The following MAPKAPK2 variants were observed in gnomAD, a reference collection of about 807,000 sequenced individuals.
MAPKAPK2 encodes MAP kinase-activated protein kinase 2.
MAPKAPK2 carries 9 observed loss-of-function variants against 48.8 expected under a neutral mutation model. The ratio of observed to expected loss-of-function variants is 0.18; its 90% CI spans 0.11 to 0.32. The LOEUF is 0.32. MAPKAPK2 is among the 10% of genes least tolerant of loss of function. The pLI is 1.00. For missense variants in MAPKAPK2, 331 were observed against 498.3 expected (o/e 0.66, Z 3.20); for synonymous variants, 202 against 190.6 (o/e 1.06, Z -0.49).
intron 1 of MAPKAPK2, among the ~76,000 whole-genome samples, chr1:206,711,822 C>G (rs1673154174): frequency 6.6e-6 from 1 of 151,824 alleles, no homozygotes; most frequent in Non-Finnish European, 1.5e-5. Context: ...AGGGTTTTGC[C>G]ATGTTGCCCA....
Position 206,710,191 on chromosome 1 carries a change from T to A in MAPKAPK2, c.280-18519T>A, listed in dbSNP as rs1673093470. Among the ~76,000 whole-genome samples, 7 of 152,240 alleles carry A rather than the reference T, an allele frequency of 4.6e-5. No individual in the cohort carries two copies. In the South Asian group the frequency reaches 1.4e-3, roughly 31 times the overall value. On this transcript the variant is annotated intron_variant, in intron 1 of 9. Transcript: ENST00000367103. ...GGCTCAAATTTGAGTTGCCAGGATATATGTATTACAAGTAACTGCATGCAG... is the reference window on the plus strand; with the variant it reads ...GGCTCAAATTTGAGTTGCCAGGATAAATGTATTACAAGTAACTGCATGCAG...
At chr1:206,712,202 A>G (rs1673178970) in intron 1 of MAPKAPK2, among the ~76,000 whole-genome samples, 1 of 152,200 alleles carries the variant, frequency 6.6e-6, no homozygotes, top group South Asian at 2.1e-4. Flanking sequence ...ACGACAACAA[A>G]TAATAAAAAA....
rs1553432775 is a variant in MAPKAPK2, at chr1:206,731,937, G to C, written c.1059+18G>C. The C allele has an allele frequency of 1.9e-6, 3 of 1,614,070 alleles. No individual in the cohort carries two copies. On this transcript the variant is annotated intron_variant, in intron 9 of 9. Coordinates refer to ENST00000367103, the MANE Select transcript of MAPKAPK2 (RefSeq NM_032960.4). The surrounding 1 kb of genome is among the most constrained non-coding windows in gnomAD (Gnocchi z 5.9). Reference sequence around the variant, plus strand: ...ATGTCAAGGTGAGGGGCACCACTGGGTGAGAGGGGCTCCAGGTGGGGTGGG... The same window carrying C: ...ATGTCAAGGTGAGGGGCACCACTGGCTGAGAGGGGCTCCAGGTGGGGTGGG...
Position 206,685,437 on chromosome 1 carries a change from C to A in MAPKAPK2, c.208C>A (p.Leu70Met). Residue 70 changes from leucine (L) to methionine (M), a missense_variant, in exon 1 of 10, where the codon CTG becomes ATG. Transcript: ENST00000367103. ...TGACTACAAGGTCACCAGCCAGGTC[C>A]TGGGGCTGGGCATCAACGGCAAAGT... ...IDDYKVTSQV[L>M]GLGINGKVLQ... The A allele has an allele frequency of 6.5e-7, 1 of 1,547,438 alleles. No homozygotes were observed. Among genetic ancestry groups the A allele is most frequent in the Non-Finnish European group, 8.8e-7 (1 of 1,142,378 alleles).
chr1:206,731,429 T>C lies in MAPKAPK2; in HGVS notation c.892+167T>C. The stretch of plus-strand genomic sequence containing the variant: ...GGGGTGCGTCCTGCTTCATTTTGCC[T>C]GTGTGGAGGGCTGGAGGCAGGGCCA... On this transcript the variant is annotated intron_variant, in intron 7 of 9. Transcript: ENST00000367103. This position sits in a 1 kb window ranked among gnomAD's most constrained non-coding sequence, Gnocchi z 5.9. The C allele has an allele frequency of 2.2e-6, 3 of 1,366,434 alleles. No individual in the cohort carries two copies. Among genetic ancestry groups the C allele is most frequent in the South Asian group, 1.4e-5 (1 of 72,738 alleles). The allele number at this position is 1,366,434 out of a possible 1,614,324, so 84.6% of individuals were successfully genotyped here. A position where few individuals can be genotyped will look rare whatever the true frequency, so the allele number is the denominator to read the frequency against.
chr1:206,710,320 G>A (rs1229459485), intron 1 of MAPKAPK2, among the ~76,000 whole-genome samples: 2 of 152,184 alleles, frequency 1.3e-5, no homozygotes, highest in Non-Finnish European at 2.9e-5. Flanking sequence ...GAGTCTTTTG[G>A]TGATTGGTCA....
Position 206,698,135 on chromosome 1 carries a change from G to A in MAPKAPK2, c.279+12627G>A, listed in dbSNP as rs116872746. 8.5e-4 allele frequency among the ~76,000 whole-genome samples: 129 copies of A among 152,284 alleles called. 1 individual carries two copies. In the East Asian group the frequency reaches 0.024, roughly 28 times the overall value. On this transcript the variant is annotated intron_variant, in intron 1 of 9. Coordinates refer to ENST00000367103, the MANE Select transcript of MAPKAPK2 (RefSeq NM_032960.4). ...ACAGTGTTACTTCACCTTTTTCCTG[G>A]CTGCAGTGTTTTTATTCATTCAGCC...
At position 206,732,582 on chromosome 1, in the gene MAPKAPK2, T is replaced by A; in HGVS notation, c.1067T>A (p.Met356Lys). The A allele has an allele frequency of 6.2e-7, 1 of 1,613,914 alleles. No individual in the cohort carries two copies. The highest frequency in any genetic ancestry group is 8.5e-7 in the Non-Finnish European group (1 of 1,180,000). Residue 356 changes from methionine (M) to lysine (K), a missense_variant, in exon 10 of 10, where the codon ATG becomes AAG. Coordinates refer to ENST00000367103, the MANE Select transcript of MAPKAPK2 (RefSeq NM_032960.4). This position sits in a 1 kb window ranked among gnomAD's most constrained non-coding sequence, Gnocchi z 4.4. ...KERWEDVKEE[M>K]TSALATMRVD... The stretch of plus-strand genomic sequence containing the variant: ...GTGCTGCCGTGCCCCCAGGAGGAGA[T>A]GACCAGTGCCTTGGCCACAATGCGC...
chr1:206,688,314 G>A (rs1176101843), intron 1 of MAPKAPK2, among the ~76,000 whole-genome samples: 1 of 152,222 alleles, frequency 6.6e-6, no homozygotes, highest in African/African-American at 2.4e-5. Flanking sequence ...TTGGAACCCA[G>A]GTTGCCTGAC....
At chr1:206,721,292 T>C (rs569093026) in intron 1 of MAPKAPK2, among the ~76,000 whole-genome samples, 1 of 152,364 alleles carries the variant, frequency 6.6e-6, no homozygotes, top group East Asian at 1.9e-4. Flanking sequence ...AGTGCCAAGC[T>C]TGTACCAGCT....
At chr1:206,696,666 T>C (rs1672633786) in intron 1 of MAPKAPK2, among the ~76,000 whole-genome samples, 1 of 152,198 alleles carries the variant, frequency 6.6e-6, no homozygotes, top group Admixed American at 6.5e-5. Flanking sequence ...ATCATGTCAG[T>C]GCACTCCAGC....
At chr1:206,721,643 A>C (rs1159754488) in intron 1 of MAPKAPK2, among the ~76,000 whole-genome samples, 1 of 151,904 alleles carries the variant, frequency 6.6e-6, no homozygotes, top group Non-Finnish European at 1.5e-5. Flanking sequence ...CAGGGTTCAA[A>C]CTCCAGCCCT....
chr1:206,726,545 T>C (rs139159289), intron 1 of MAPKAPK2, among the ~76,000 whole-genome samples: 102 of 152,372 alleles, frequency 6.7e-4, no homozygotes, highest in African/African-American at 2.2e-3. Flanking sequence ...GACCGAGTTA[T>C]CTAGTCATTG....
At chr1:206,724,994 C>T (rs1558586496) in intron 1 of MAPKAPK2, among the ~76,000 whole-genome samples, 2 of 152,184 alleles carry the variant, frequency 1.3e-5, no homozygotes, top group East Asian at 1.9e-4. Context: ...ATGAGGAAAC[C>T]CTTTCCAGAA....
intron 1 of MAPKAPK2, among the ~76,000 whole-genome samples, chr1:206,721,220 G>C (rs1273720736): frequency 3.3e-5 from 5 of 152,116 alleles, no homozygotes; most frequent in African/African-American, 1.2e-4. Flanking sequence ...TGACATCCCT[G>C]CTCCCCCTTC....
At chr1:206,716,209 G>C (rs1553430334) in intron 1 of MAPKAPK2, among the ~76,000 whole-genome samples, 1 of 151,928 alleles carries the variant, frequency 6.6e-6, no homozygotes, top group Non-Finnish European at 1.5e-5. Flanking sequence ...AGGTAATGTA[G>C]AGTGAGAATT....
At chr1:206,717,089 A>G (rs1553430490) in intron 1 of MAPKAPK2, among the ~76,000 whole-genome samples, 1 of 152,218 alleles carries the variant, frequency 6.6e-6, no homozygotes, top group East Asian at 1.9e-4. Flanking sequence ...GAGAGAGGCC[A>G]GCGGTAAACT....
At chr1:206,697,888 A>T (rs1672679384) in intron 1 of MAPKAPK2, among the ~76,000 whole-genome samples, 1 of 152,278 alleles carries the variant, frequency 6.6e-6, no homozygotes, top group South Asian at 2.1e-4. Context: ...TGTGGCCCCA[A>T]GCAAGTCCTA....
intron 1 of MAPKAPK2, 96 bp from the exon 2 acceptor site, chr1:206,728,614 G>C: frequency 6.9e-7 from 1 of 1,446,882 alleles, no homozygotes; most frequent in Non-Finnish European, 9.4e-7. Context: ...TGGGGGGTTT[G>C]TGGTATGTCG....
Sources: gnomAD v4.1 joint callset for allele counts (sites outside exome capture counted in the v4.1 genomes callset) on GRCh38, gnomAD v4.1.1 for gene constraint, Gnocchi (gnomAD v3.1) non-coding constraint, MANE v1.5 for transcripts, NCBI Gene and HGNC (gene_info 2026-07-23, HGNC 2026-07-21) for gene names.